The following GALNT13 variants were observed in gnomAD, a reference collection of about 807,000 sequenced individuals.
GALNT13 encodes the protein UDP-GalNAc:polypeptide N-acetylgalactosaminyltransferase 13.
A neutral mutation model predicts 64.2 loss-of-function variants in GALNT13; 28 were observed. The ratio of observed to expected loss-of-function variants is 0.44; its 90% confidence interval spans 0.32 to 0.60. GALNT13 has a LOEUF of 0.60. GALNT13 is among the 20% of genes least tolerant of loss of function. The probability of loss-of-function intolerance (pLI) is 0.05; values close to 1 mark genes in which losing one functional copy is unlikely to be tolerated. For synonymous variants in GALNT13, 214 were observed against 224.6 expected, an observed-to-expected ratio of 0.95 and a Z score of 0.42; for missense variants, 577 against 669.8, an observed-to-expected ratio of 0.86 and a Z score of 1.53.
chr2:154,438,502 A>G (rs749226761), intron 11 of GALNT13, 90 bp from the exon 12 acceptor site: 2 of 863,566 alleles, frequency 2.3e-6, no homozygotes, highest in Non-Finnish European at 3.6e-6. Context: ...ACACAAGTTT[A>G]TCTGATACGA....
chr2:153,760,859 A>G, the GALNT13 span, among the ~76,000 whole-genome samples: 1 of 152,108 alleles, frequency 6.6e-6, no homozygotes, highest in South Asian at 2.1e-4. Context: ...ATTGCATTTG[A>G]TATCTCCCTT....
the GALNT13 span, among the ~76,000 whole-genome samples, chr2:153,101,007 A>T: frequency 8.8e-5 from 13 of 147,426 alleles, no homozygotes; most frequent in African/African-American, 2.9e-4. Context: ...ACAGTGTGAG[A>T]CTCCAGCCTG....
At chr2:153,892,492 A>G (rs1300785583) in intron 1 of GALNT13, among the ~76,000 whole-genome samples, 1 of 151,986 alleles carries the variant, frequency 6.6e-6, no homozygotes, top group African/African-American at 2.4e-5. Flanking sequence ...TTGGACCGTT[A>G]TTTGAAAGGC....
chr2:153,126,297 TA>T, the GALNT13 span, among the ~76,000 whole-genome samples: 1 of 6,074 alleles, frequency 1.6e-4, no homozygotes, highest in South Asian at 4.8e-3. Flanking sequence ...ATTGATTTTG[TA>T]TATATATATA....
the GALNT13 span, among the ~76,000 whole-genome samples, chr2:153,501,590 C>T: frequency 1.9e-4 from 29 of 152,116 alleles, no homozygotes; most frequent in African/African-American, 6.8e-4. Context: ...TCTCGACCAC[C>T]CAACATGCTG....
the GALNT13 span, among the ~76,000 whole-genome samples, chr2:153,857,231 A>G: frequency 6.6e-6 from 1 of 152,146 alleles, no homozygotes; most frequent in African/African-American, 2.4e-5. Flanking sequence ...ACCCTGTGAA[A>G]ATTGAGTTTT....
chr2:154,263,468 C>T (rs530144755), intron 8 of GALNT13, among the ~76,000 whole-genome samples: 1 of 152,182 alleles, frequency 6.6e-6, no homozygotes, highest in Admixed American at 6.5e-5. Flanking sequence ...AACAATCTTA[C>T]CTTTAATAAT....
At chr2:153,444,051 T>A in the GALNT13 span, among the ~76,000 whole-genome samples, 2 of 152,196 alleles carry the variant, frequency 1.3e-5, no homozygotes, top group Admixed American at 1.3e-4. Flanking sequence ...CAGTTAGTAA[T>A]TTTATCTATC....
chr2:154,032,183 G>T (rs1354582189), intron 3 of GALNT13, among the ~76,000 whole-genome samples: 4 of 151,468 alleles, frequency 2.6e-5, no homozygotes, highest in Non-Finnish European at 5.9e-5. Flanking sequence ...ATTAAAAGCT[G>T]GTATTTGAAA....
the GALNT13 span, among the ~76,000 whole-genome samples, chr2:153,573,919 T>C: frequency 6.6e-6 from 1 of 152,134 alleles, no homozygotes; most frequent in Non-Finnish European, 1.5e-5. Flanking sequence ...TTCTGTGTAC[T>C]TAGCATAACC....
chr2:153,244,693 G>C, the GALNT13 span, among the ~76,000 whole-genome samples: 1 of 152,314 alleles, frequency 6.6e-6, no homozygotes, highest in South Asian at 2.1e-4. Flanking sequence ...CAGCTAGCTT[G>C]GTGCCTGCCC....
At chr2:154,112,622 G>T (rs1394453893) in intron 3 of GALNT13, among the ~76,000 whole-genome samples, 1 of 152,110 alleles carries the variant, frequency 6.6e-6, no homozygotes, top group Non-Finnish European at 1.5e-5. Flanking sequence ...TGTACATCTG[G>T]CCATTTATCT....
At chr2:153,748,425 T>A in the GALNT13 span, among the ~76,000 whole-genome samples, 1 of 152,138 alleles carries the variant, frequency 6.6e-6, no homozygotes, top group Admixed American at 6.6e-5. Flanking sequence ...TTTCTCCACA[T>A]CCTCACCAAC....
At chr2:154,455,621 T>A (rs1160880884), downstream of GALNT13, among the ~76,000 whole-genome samples, 1 of 152,158 alleles carries the variant, frequency 6.6e-6, no homozygotes, top group Non-Finnish European at 1.5e-5. Flanking sequence ...TGGACACATC[T>A]GTTGTGACTA....
intron 4 of GALNT13, among the ~76,000 whole-genome samples, chr2:154,213,748 T>C (rs970237188): frequency 2.6e-5 from 4 of 152,180 alleles, no homozygotes; most frequent in African/African-American, 4.8e-5. Flanking sequence ...CATGTTTTTA[T>C]AACAAGATAG....
chr2:153,535,486 T>C, the GALNT13 span, among the ~76,000 whole-genome samples: 3 of 152,206 alleles, frequency 2.0e-5, no homozygotes, highest in South Asian at 4.2e-4. Context: ...GAACGGTGAA[T>C]AGGAGTATGA....
At chr2:153,792,512 G>A in the GALNT13 span, among the ~76,000 whole-genome samples, 1 of 152,056 alleles carries the variant, frequency 6.6e-6, no homozygotes, top group Non-Finnish European at 1.5e-5. Flanking sequence ...AGAAACTAAT[G>A]GCCAATCCTC....
intron 9 of GALNT13, among the ~76,000 whole-genome samples, chr2:154,376,834 C>T (rs1169753402): frequency 6.6e-6 from 1 of 151,972 alleles, no homozygotes; most frequent in Non-Finnish European, 1.5e-5. Context: ...AAGACTTGCC[C>T]CCTAAACTAT....
At chr2:153,920,028 A>G (rs1292892772) in intron 2 of GALNT13, among the ~76,000 whole-genome samples, 1 of 147,202 alleles carries the variant, frequency 6.8e-6, no homozygotes, top group African/African-American at 2.5e-5. Context: ...TATTATATAT[A>G]GCTAAATATA....
Sources: allele counts gnomAD v4.1 joint callset (sites outside exome capture counted in the v4.1 genomes callset), GRCh38; gene constraint gnomAD v4.1.1; transcripts MANE v1.5; gene names NCBI Gene and HGNC (gene_info 2026-07-23, HGNC 2026-07-21).